The following TCERG1 variants were observed in gnomAD, a reference collection of about 807,000 sequenced individuals.
TCERG1 encodes the protein transcription elongation regulator 1, also known as TATA box binding protein (TBP)-associated factor, RNA polymerase II, S, 150kD.
In TCERG1, 37 loss-of-function variants were observed where a neutral mutation model predicts 144.7. The ratio of observed to expected loss-of-function variants is 0.26; its 90% CI spans 0.20 to 0.34. The LOEUF (loss-of-function observed/expected upper bound fraction) is 0.34, where lower values mean the gene tolerates loss of function less well. TCERG1 is among the 10% of genes least tolerant of loss of function. The pLI is 1.00. For missense variants in TCERG1, 1,027 were observed against 1,380.7 expected (o/e 0.74, Z 4.06); for synonymous variants, 492 against 458.2 (o/e 1.07, Z -0.94).
chr5:146,487,147 A>G (rs1174386567), intron 15 of TCERG1, among the ~76,000 whole-genome samples: 1 of 152,202 alleles, frequency 6.6e-6, no homozygotes, highest in African/African-American at 2.4e-5. Flanking sequence ...TATCCAAAAC[A>G]ATAGTGTTTC....
At chr5:146,453,596 G>C (rs1278928494) in intron 1 of TCERG1, among the ~76,000 whole-genome samples, 1 of 152,246 alleles carries the variant, frequency 6.6e-6, no homozygotes, top group Middle Eastern at 3.4e-3. Context: ...GCAATGCCCT[G>C]TATGGCATTT....
intron 12 of TCERG1, among the ~76,000 whole-genome samples, chr5:146,480,809 T>C (rs917991306): frequency 6.6e-6 from 1 of 152,088 alleles, no homozygotes; most frequent in African/African-American, 2.4e-5. Flanking sequence ...TAAAGGGTAG[T>C]TCTTTTAAAA....
At chr5:146,493,699 C>T (rs1303376244) in intron 16 of TCERG1, among the ~76,000 whole-genome samples, 3 of 151,948 alleles carry the variant, frequency 2.0e-5, no homozygotes, top group Non-Finnish European at 2.9e-5. Flanking sequence ...TTACGTGATA[C>T]CTGTTTTATA....
At chr5:146,466,547 TTAGA>T (rs1301743034) in intron 5 of TCERG1, among the ~76,000 whole-genome samples, 4 of 152,172 alleles carry the variant, frequency 2.6e-5, no homozygotes. Context: ...TTCTTATTTC[TTAGA>T]TAATAATTTG....
In TCERG1 at chr5:146,482,828, G is replaced by A. The variant is rs1022640321; in HGVS notation, c.2073+101G>A. 6.0e-6 allele frequency: 8 copies of A among 1,330,230 alleles called. No homozygotes were observed. In the East Asian group the frequency reaches 2.0e-4, roughly 33 times the overall value. 82.4% of individuals were successfully genotyped at this position (1,330,230 alleles called of 1,614,324 possible). On this transcript the variant is annotated intron_variant, in intron 14 of 22. Transcript: ENST00000679501. ...TCTAAGGTTAGTGCTCATGTTATGG[G>A]GGGGGATAAGGGGATTTTTAAAATT...
At chr5:146,491,535 A>G (rs10062149) in intron 15 of TCERG1, among the ~76,000 whole-genome samples, 1 of 151,874 alleles carries the variant, frequency 6.6e-6, no homozygotes, top group Non-Finnish European at 1.5e-5. Context: ...CCTGGAGCCA[A>G]TGTTTTAGGC....
intron 15 of TCERG1, among the ~76,000 whole-genome samples, chr5:146,486,378 A>G (rs749507699): frequency 9.9e-5 from 15 of 152,222 alleles, no homozygotes; most frequent in African/African-American, 2.4e-5. Flanking sequence ...CTTTTGATAA[A>G]GTTTACTTAA....
At chr5:146,468,448 A>G (rs1390968012) in intron 6 of TCERG1, 45 bp downstream of exon 6, 1 of 1,554,202 alleles carries the variant, frequency 6.4e-7, no homozygotes, top group African/African-American at 1.4e-5. Context: ...GTAAGTTGGC[A>G]TGGTAGTGAA....
rs747557761 is a variant in TCERG1 at position 146,463,533 on chromosome 5, T to C, written c.893-18T>C. On this transcript the variant is annotated intron_variant, in intron 4 of 22. Transcript: ENST00000679501. ...TTTATGAAGGAGTGATACATGTTTT[T>C]GTTTTATCTTTTATCAGCACCCACA... 2.5e-6 allele frequency: 4 copies of C among 1,613,692 alleles called. No homozygotes were observed. The highest frequency in any genetic ancestry group is 3.3e-5 in the Admixed American group (2 of 60,000).
At chr5:146,480,248 G>A in intron 12 of TCERG1, 154 bp downstream of exon 12, 1 of 471,006 alleles carries the variant, frequency 2.1e-6, no homozygotes, top group Non-Finnish European at 3.8e-6. Context: ...GTTTTTCATT[G>A]TAGAAAATGT....
At chr5:146,482,490 G>A (rs1765445946) in intron 13 of TCERG1, 102 bp from the exon 14 acceptor site, 8 of 1,200,706 alleles carry the variant, frequency 6.7e-6, no homozygotes, top group Non-Finnish European at 1.1e-6. Context: ...AAAATATGCT[G>A]CTCAGTAGTG....
intron 22 of TCERG1, chr5:146,509,963 G>A: frequency 2.9e-6 from 3 of 1,046,698 alleles, no homozygotes; most frequent in Non-Finnish European, 2.5e-6. Flanking sequence ...GTGGTTTTTA[G>A]ATATTTTGTC....
chr5:146,501,645 A>C (rs961218910), intron 17 of TCERG1, among the ~76,000 whole-genome samples: 1 of 152,196 alleles, frequency 6.6e-6, no homozygotes, highest in Non-Finnish European at 1.5e-5. Context: ...TCATCATGTC[A>C]GATACAAAGT....
intron 9 of TCERG1, among the ~76,000 whole-genome samples, chr5:146,472,624 T>C (rs1032403482): frequency 1.3e-5 from 2 of 152,080 alleles, no homozygotes; most frequent in Admixed American, 6.6e-5. Flanking sequence ...CACAACAATA[T>C]TGAAATTAGG....
In TCERG1 at chr5:146,457,630, C is replaced by T. The variant is rs182058514; in HGVS notation, c.438+295C>T. ...TCCTAGAAGGAAAGCAGGTGTTCAG[C>T]GTAGCTGGTTTAGGCACATCGAGCC... On this transcript the variant is annotated intron_variant, in intron 3 of 22. Transcript: ENST00000679501. Among the ~76,000 whole-genome samples, 951 of 152,340 alleles carry T rather than the reference C, an allele frequency of 6.2e-3. 15 individuals carry two copies. Among genetic ancestry groups the T allele is most frequent in the African/African-American group, 0.021 (863 of 41,578 alleles).
chr5:146,469,667 C>T lies in TCERG1; in HGVS notation c.1322C>T (p.Ala441Val). The T allele has an allele frequency of 6.2e-7, 1 of 1,612,918 alleles. No individual in the cohort carries two copies. Among genetic ancestry groups the T allele is most frequent in the East Asian group, 2.2e-5 (1 of 44,764 alleles). Residue 441 changes from alanine (A) to valine (V), a missense_variant, in exon 7 of 23, where the codon GCA becomes GTA. Transcript: ENST00000679501. ...AVSEWTEYKT[A>V]DGKTYYYNNR... ...TCTGAATGGACTGAATATAAAACAG[C>T]AGATGGGAAGACATATTATTATAAT...
chr5:146,469,534 C>CT lies in TCERG1; in HGVS notation c.1199-3dup, dbSNP rs1764099276. The stretch of plus-strand genomic sequence containing the variant: ...TACTTGGATCTAATTTTTTATTATT[C>CT]TTTTTTTAGGTGTATTGCCAGGAAT... On this transcript the variant is annotated splice_polypyrimidine_tract_variant and intron_variant, in intron 6 of 22. Transcript: ENST00000679501. The CT allele has an allele frequency of 1.3e-6, 2 of 1,562,082 alleles. No individual in the cohort carries two copies. Among genetic ancestry groups the CT allele is most frequent in the Admixed American group, 2.1e-5 (1 of 48,492 alleles).
At chr5:146,498,488 CA>C (rs1477707764) in intron 16 of TCERG1, 47 bp from the exon 17 acceptor site, 2 of 1,556,408 alleles carry the variant, frequency 1.3e-6, no homozygotes, top group Non-Finnish European at 8.7e-7. Flanking sequence ...TGCCTTTATA[CA>C]AGCAGAAGTA....
In TCERG1 at chr5:146,502,937, T is replaced by C. The variant is rs1581570920; in HGVS notation, c.2434-438T>C. 5 of 152,320 alleles carry C rather than the reference T, an allele frequency of 3.3e-5. No individual in the cohort carries two copies. In the East Asian group the frequency reaches 9.6e-4, roughly 29 times the overall value. 9.4% of individuals were successfully genotyped at this position (152,320 alleles called of 1,614,324 possible). On this transcript the variant is annotated intron_variant, in intron 17 of 22. Transcript: ENST00000679501. ...TGGCCAAAATTTTTATCCATCTAGT[T>C]TTTAAATAAATCATTTTTACCTTGT... is the stretch of plus-strand genomic sequence containing the variant.
Sources: gnomAD v4.1 joint callset for allele counts (sites outside exome capture counted in the v4.1 genomes callset) on GRCh38, gnomAD v4.1.1 for gene constraint, MANE v1.5 for transcripts, NCBI Gene and HGNC (gene_info 2026-07-23, HGNC 2026-07-21) for gene names.